SDK1: variants seen among roughly 807,000 people sequenced by gnomAD.
The protein encoded by SDK1 is sidekick cell adhesion molecule 1, also known as protein sidekick-1.
Under a neutral mutation model 245.5 loss-of-function variants are expected in SDK1, and 157 were observed. That is an observed-to-expected ratio of 0.64 (90% CI 0.56 to 0.73). The LOEUF (loss-of-function observed/expected upper bound fraction) is 0.73, where lower values mean the gene tolerates loss of function less well. Among genes scored for constraint, SDK1 ranks in the 30% least tolerant of loss-of-function variants. The pLI, the probability that SDK1 is intolerant of heterozygous loss-of-function variation, is 0.00. For synonymous variants in SDK1, 1,647 were observed against 1,278.5 expected, an observed-to-expected ratio of 1.29 and a Z score of -6.15; for missense variants, 3,583 against 3,002.3, an observed-to-expected ratio of 1.19 and a Z score of -4.52.
intron 14 of SDK1, among the ~76,000 whole-genome samples, chr7:4,003,738 C>A (rs1405883577): frequency 1.3e-5 from 2 of 152,352 alleles, no homozygotes; most frequent in Non-Finnish European, 2.9e-5. Flanking sequence ...TAGGGCTAGA[C>A]TCTCAGCAGC....
At chr7:4,030,385 G>A (rs1787707592) in intron 17 of SDK1, among the ~76,000 whole-genome samples, 2 of 152,224 alleles carry the variant, frequency 1.3e-5, no homozygotes, top group African/African-American at 4.8e-5. Flanking sequence ...TCAGCATAAG[G>A]GAAATCCTCC....
At chr7:3,913,766 A>T (rs1052103932) in intron 5 of SDK1, among the ~76,000 whole-genome samples, 1 of 152,206 alleles carries the variant, frequency 6.6e-6, no homozygotes, top group African/African-American at 2.4e-5. Context: ...AGCAAAAATA[A>T]GAAAACATAT....
intron 1 of SDK1, among the ~76,000 whole-genome samples, chr7:3,566,467 T>C (rs5022333): frequency 0.26 from 39,229 of 151,758 alleles, 5,263 homozygotes; most frequent in East Asian, 0.36. Flanking sequence ...CCTCGTGATC[T>C]GCCTGCCTCG....
intron 17 of SDK1, among the ~76,000 whole-genome samples, chr7:4,020,681 C>G (rs753552373): frequency 9.2e-5 from 14 of 152,190 alleles, no homozygotes; most frequent in African/African-American, 3.4e-4. Flanking sequence ...TTCACACACA[C>G]GTGTATATTC....
intron 35 of SDK1, among the ~76,000 whole-genome samples, chr7:4,200,500 A>C (rs913096862): frequency 1.3e-5 from 2 of 152,230 alleles, no homozygotes; most frequent in African/African-American, 4.8e-5. Flanking sequence ...GACAGTGTCA[A>C]CCAGGCCTGT....
At chr7:4,230,708 G>A (rs1238850219) in intron 40 of SDK1, among the ~76,000 whole-genome samples, 1 of 152,086 alleles carries the variant, frequency 6.6e-6, no homozygotes, top group African/African-American at 2.4e-5. Context: ...TTACATGGAT[G>A]GATGGGTGGA....
chr7:3,593,704 C>G (rs531353923), intron 1 of SDK1, among the ~76,000 whole-genome samples: 1 of 152,146 alleles, frequency 6.6e-6, no homozygotes, highest in Non-Finnish European at 1.5e-5. Context: ...CTTCCTCCTG[C>G]TCACTGGCCA....
chr7:3,569,730 T>C (rs1780048391), intron 1 of SDK1, among the ~76,000 whole-genome samples: 1 of 152,240 alleles, frequency 6.6e-6, no homozygotes, highest in Non-Finnish European at 1.5e-5. Context: ...GTATGGATTT[T>C]TTTTAAGGCT....
chr7:3,418,145 G>GAAAAAAAAAAAAAAAAAAAA (rs200914826), intron 1 of SDK1, among the ~76,000 whole-genome samples: 11 of 119,728 alleles, frequency 9.2e-5, no homozygotes, highest in African/African-American at 4.3e-4. Flanking sequence ...TACTAAAAAT[G>GAAAAAAAAAAAAAAAAAAAA]AAAAAAAAAA....
chr7:3,606,711 A>G (rs1330879463), intron 1 of SDK1, among the ~76,000 whole-genome samples: 1 of 152,122 alleles, frequency 6.6e-6, no homozygotes, highest in African/African-American at 2.4e-5. Flanking sequence ...CCTTTTTAAA[A>G]CAATCTTCCT....
rs185130641 is a variant in SDK1 at position 4,112,810 on chromosome 7, A to G, written c.3435-479A>G. On this transcript the variant is annotated intron_variant, in intron 23 of 44. Coordinates refer to ENST00000404826, the MANE Select transcript of SDK1 (RefSeq NM_152744.4). ...CGCTCTGTCACCTAGGCTGGAGTGC[A>G]GTGACACCATCTCAGCTCATGCAAC... 3.6e-3 allele frequency among the ~76,000 whole-genome samples: 550 copies of G among 151,574 alleles called. 1 individual carries two copies. The highest frequency in any genetic ancestry group is 0.01 in the Middle Eastern group (3 of 294).
chr7:3,694,035 T>G (rs1321565562), intron 4 of SDK1, among the ~76,000 whole-genome samples: 1 of 152,174 alleles, frequency 6.6e-6, no homozygotes, highest in Non-Finnish European at 1.5e-5. Flanking sequence ...GTATCTTTCT[T>G]GGGAGTATTT....
rs1384606863 is a variant in SDK1 at position 3,914,969 on chromosome 7, CA to C, written c.848-35953del. 1.5e-4 allele frequency among the ~76,000 whole-genome samples: 23 copies of C among 152,314 alleles called. No individual in the cohort carries two copies. In the South Asian group the frequency reaches 2.1e-3, roughly 14 times the overall value. On this transcript the variant is annotated intron_variant, in intron 5 of 44. Transcript: ENST00000404826. ...TAGGTGGTTGTTGATAGTATGGATG[CA>C]GCTGTGAAACTTGAATCAGAATCAT...
chr7:3,333,510 G>T (rs542429528), intron 1 of SDK1, among the ~76,000 whole-genome samples: 2 of 152,260 alleles, frequency 1.3e-5, no homozygotes, highest in South Asian at 2.1e-4. Flanking sequence ...CTACTTGTAT[G>T]TTGGCAGTGG....
chr7:4,068,687 G>A (rs959127014), intron 20 of SDK1, among the ~76,000 whole-genome samples: 1 of 148,430 alleles, frequency 6.7e-6, no homozygotes, highest in African/African-American at 2.6e-5. Context: ...GTGGGAGACA[G>A]CTCACCTTTT....
intron 33 of SDK1, among the ~76,000 whole-genome samples, chr7:4,175,229 G>A (rs183567721): frequency 4.6e-5 from 7 of 152,350 alleles, no homozygotes; most frequent in African/African-American, 1.7e-4. Context: ...TTGCAGCACT[G>A]GTGTCTGCAC....
chr7:3,440,356 A>T (rs950480235), intron 1 of SDK1, among the ~76,000 whole-genome samples: 3 of 152,176 alleles, frequency 2.0e-5, no homozygotes, highest in African/African-American at 7.2e-5. Context: ...CAGGCTATAC[A>T]GTCTGTTGGT....
intron 1 of SDK1, among the ~76,000 whole-genome samples, chr7:3,347,810 A>T (rs1259957876): frequency 6.6e-6 from 1 of 152,186 alleles, no homozygotes; most frequent in Non-Finnish European, 1.5e-5. Flanking sequence ...CAAGTTTCTT[A>T]AGTACTTTAT....
chr7:4,183,640 CA>C (rs548155248), intron 35 of SDK1, among the ~76,000 whole-genome samples: 5,688 of 73,106 alleles, frequency 0.078, 123 homozygotes, highest in South Asian at 0.18. Flanking sequence ...GACTCCGTCT[CA>C]AAAAAAAAAA....
Sources: allele counts gnomAD v4.1 joint callset (sites outside exome capture counted in the v4.1 genomes callset), GRCh38; gene constraint gnomAD v4.1.1; transcripts MANE v1.5; gene names NCBI Gene and HGNC (gene_info 2026-07-23, HGNC 2026-07-21).